ADAM10: variants seen among roughly 807,000 people sequenced by gnomAD.
ADAM10 encodes the protein ADAM metallopeptidase domain 10, also known as disintegrin and metalloproteinase domain-containing protein 10.
A neutral mutation model predicts 90.1 loss-of-function variants in ADAM10; 17 were observed. The ratio of observed to expected loss-of-function variants is 0.19; its 90% confidence interval spans 0.13 to 0.28. ADAM10 has a LOEUF of 0.28. Among genes scored for constraint, ADAM10 ranks in the 10% least tolerant of loss-of-function variants. The pLI is 1.00. For synonymous variants in ADAM10, 310 were observed against 298.6 expected (o/e 1.04, Z -0.40); for missense variants, 610 against 914.3 (o/e 0.67, Z 4.29).
intron 9 of ADAM10, among the ~76,000 whole-genome samples, chr15:58,629,913 C>A (rs1261124988): frequency 6.6e-6 from 1 of 152,030 alleles, no homozygotes; most frequent in East Asian, 1.9e-4. Flanking sequence ...ACTACAGGTG[C>A]AGTCCAGCAC....
At chr15:58,598,716 G>C (rs529456828) in intron 15 of ADAM10, among the ~76,000 whole-genome samples, 1 of 152,192 alleles carries the variant, frequency 6.6e-6, no homozygotes, top group African/African-American at 2.4e-5. Context: ...CGAATACCTT[G>C]GAGAAGGGGA....
intron 5 of ADAM10, among the ~76,000 whole-genome samples, chr15:58,655,739 ATTCTTT>A (rs1896812094): frequency 3.7e-5 from 3 of 80,548 alleles, no homozygotes; most frequent in African/African-American, 9.4e-5. Context: ...ATATATATAT[ATTCTTT>A]TTTTTTTTTT....
chr15:58,689,278 G>A (rs1897705446), intron 2 of ADAM10, among the ~76,000 whole-genome samples: 1 of 152,268 alleles, frequency 6.6e-6, no homozygotes, highest in South Asian at 2.1e-4. Flanking sequence ...CTTAGCTTAG[G>A]AGTTCGAGAC....
chr15:58,670,196 A>AT (rs1456702661), intron 4 of ADAM10, among the ~76,000 whole-genome samples: 3 of 150,932 alleles, frequency 2.0e-5, no homozygotes, highest in Non-Finnish European at 2.9e-5. Context: ...TAAATCCTGT[A>AT]TTAAAAAAAA....
At position 58,688,159 on chromosome 15, in the gene ADAM10, G is replaced by C. The variant is rs552676550; in HGVS notation, c.207-5845C>G. ...AAATTGTGAACACTGAGGGAGACTG[G>C]GGGAAAGATGTCCAGGACTTCCCAG... is the stretch of plus-strand genomic sequence containing the variant. On this transcript the variant is annotated intron_variant, in intron 2 of 15. Transcript: ENST00000260408. 4.6e-5 allele frequency among the ~76,000 whole-genome samples: 7 copies of C among 152,228 alleles called. No homozygotes were observed. In the East Asian group the frequency reaches 7.7e-4, roughly 17 times the overall value.
chr15:58,703,374 A>T (rs1898186609), intron 2 of ADAM10, among the ~76,000 whole-genome samples: 1 of 152,176 alleles, frequency 6.6e-6, no homozygotes, highest in East Asian at 1.9e-4. Context: ...AGAAACTGAA[A>T]GCAGGAACTC....
rs765549552 is a variant in ADAM10, at chr15:58,648,720, G to A, written c.586-2516C>T. ...ATATGATTTTTCTATTATTCCTTCC[G>A]GTTTTGTCAACTTTTGCCTTACATA... On this transcript the variant is annotated intron_variant, in intron 5 of 15. Transcript: ENST00000260408. 9.9e-5 allele frequency among the ~76,000 whole-genome samples: 15 copies of A among 151,864 alleles called. No individual in the cohort carries two copies. The East Asian group carries it at 1.5e-3, about 16-fold the overall frequency.
At chr15:58,685,833 CATCTT>C (rs1196511543) in intron 2 of ADAM10, among the ~76,000 whole-genome samples, 3 of 151,824 alleles carry the variant, frequency 2.0e-5, no homozygotes, top group African/African-American at 7.3e-5. Flanking sequence ...GTTAAAATAA[CATCTT>C]AAGACACAAA....
intron 1 of ADAM10, among the ~76,000 whole-genome samples, chr15:58,720,829 G>A (rs1212136059): frequency 6.6e-6 from 1 of 152,170 alleles, no homozygotes; most frequent in Admixed American, 6.5e-5. Context: ...AATCAATAAT[G>A]GGGAAGAATG....
intron 3 of ADAM10, among the ~76,000 whole-genome samples, chr15:58,681,683 G>A (rs1273100541): frequency 6.6e-6 from 1 of 152,052 alleles, no homozygotes; most frequent in African/African-American, 2.4e-5. Context: ...TGCCACTGAT[G>A]CCCCCCAACA....
intron 5 of ADAM10, among the ~76,000 whole-genome samples, chr15:58,654,529 C>A (rs1172520216): frequency 6.6e-6 from 1 of 152,238 alleles, no homozygotes; most frequent in East Asian, 1.9e-4. Flanking sequence ...CAGGCATGCA[C>A]CACCACACCT....
At chr15:58,618,224 T>G (rs901792782) in intron 11 of ADAM10, among the ~76,000 whole-genome samples, 2 of 129,630 alleles carry the variant, frequency 1.5e-5, no homozygotes, top group Non-Finnish European at 3.1e-5. Flanking sequence ...AATCTATATA[T>G]TTACAGCCAA....
chr15:58,706,687 T>C (rs758766492), intron 2 of ADAM10, among the ~76,000 whole-genome samples: 2 of 151,954 alleles, frequency 1.3e-5, no homozygotes, highest in Non-Finnish European at 2.9e-5. Flanking sequence ...AGTCAGCCAA[T>C]GTACACCCCA....
At chr15:58,716,863 G>C (rs575983331) in intron 2 of ADAM10, among the ~76,000 whole-genome samples, 2 of 152,004 alleles carry the variant, frequency 1.3e-5, no homozygotes, top group East Asian at 3.9e-4. Flanking sequence ...GCTTCACAAA[G>C]ATCCCCAAGA....
intron 1 of ADAM10, among the ~76,000 whole-genome samples, chr15:58,746,832 G>T (rs1167328058): frequency 6.6e-6 from 1 of 152,154 alleles, no homozygotes; most frequent in Admixed American, 6.5e-5. Context: ...TTAAAAAGAT[G>T]AAGAGTCAGA....
chr15:58,693,147 A>G (rs753803434), intron 2 of ADAM10: 1 of 734,948 alleles, frequency 1.4e-6, no homozygotes, highest in Admixed American at 1.7e-5. Flanking sequence ...TTTCTGCCTA[A>G]AAGGCAAAAG....
At chr15:58,674,026 C>A (rs1204797595) in intron 4 of ADAM10, among the ~76,000 whole-genome samples, 2 of 152,178 alleles carry the variant, frequency 1.3e-5, no homozygotes, top group African/African-American at 4.8e-5. Context: ...AGCCACCATA[C>A]CCAGCCACTG....
At chr15:58,635,274 C>CAAAAAAAAAA (rs58106236) in intron 8 of ADAM10, among the ~76,000 whole-genome samples, 2 of 65,908 alleles carry the variant, frequency 3.0e-5, no homozygotes, top group African/African-American at 7.5e-5. Context: ...GACTCTGTCT[C>CAAAAAAAAAA]AAAAAAAAAA....
intron 3 of ADAM10, among the ~76,000 whole-genome samples, chr15:58,680,988 T>G (rs1347348489): frequency 6.6e-6 from 1 of 152,006 alleles, no homozygotes; most frequent in Non-Finnish European, 1.5e-5. Flanking sequence ...AATTTTTATG[T>G]TTTTTAGAGA....
Sources: allele counts gnomAD v4.1 joint callset (sites outside exome capture counted in the v4.1 genomes callset), GRCh38; gene constraint gnomAD v4.1.1; transcripts MANE v1.5; gene names NCBI Gene and HGNC (gene_info 2026-07-23, HGNC 2026-07-21).